RARB: variants seen among roughly 807,000 people sequenced by gnomAD.
RARB encodes the protein HBV-activated protein.
A neutral mutation model predicts 51.9 loss-of-function variants in RARB; 17 were observed. The ratio of observed to expected loss-of-function variants is 0.33; its 90% confidence interval spans 0.22 to 0.49. The LOEUF (loss-of-function observed/expected upper bound fraction) is 0.49. RARB is among the 20% of genes least tolerant of loss of function. The probability of loss-of-function intolerance (pLI) is 0.99; values close to 1 mark genes in which losing one functional copy is unlikely to be tolerated. For missense variants in RARB, 369 were observed against 550.8 expected (o/e 0.67, Z 3.30); for synonymous variants, 215 against 195.4 (o/e 1.10, Z -0.84).
At chr3:25,202,198 C>G (rs1475007802) in intron 5 of RARB, among the ~76,000 whole-genome samples, 1 of 152,118 alleles carries the variant, frequency 6.6e-6, no homozygotes, top group Non-Finnish European at 1.5e-5. Context: ...TCCATTTCTT[C>G]TAGATTTTCT....
chr3:25,505,850 T>C (rs1018358907), intron 3 of RARB, among the ~76,000 whole-genome samples: 9 of 151,938 alleles, frequency 5.9e-5, no homozygotes, highest in African/African-American at 2.2e-4. Context: ...ATAAAAACAA[T>C]TAATGAAAAA....
intron 2 of RARB, among the ~76,000 whole-genome samples, chr3:25,053,247 C>T (rs1043458478): frequency 2.0e-5 from 3 of 152,132 alleles, no homozygotes; most frequent in African/African-American, 7.2e-5. Flanking sequence ...TCCCTTCATA[C>T]AATCACATTA....
At chr3:25,436,717 A>C (rs924379911) in intron 1 of RARB, among the ~76,000 whole-genome samples, 1 of 152,198 alleles carries the variant, frequency 6.6e-6, no homozygotes, top group African/African-American at 2.4e-5. Context: ...TCCAGAGCTT[A>C]TCCTATCACC....
intron 3 of RARB, among the ~76,000 whole-genome samples, chr3:25,083,402 C>A (rs1175063340): frequency 6.6e-6 from 1 of 151,612 alleles, no homozygotes; most frequent in Non-Finnish European, 1.5e-5. Flanking sequence ...CCTCTCTGAT[C>A]TCTTTTGGCA....
intron 2 of RARB, among the ~76,000 whole-genome samples, chr3:25,007,924 G>T (rs1172211486): frequency 6.6e-6 from 1 of 151,988 alleles, no homozygotes; most frequent in Non-Finnish European, 1.5e-5. Context: ...GCAAATTATG[G>T]AACATGAGCG....
At chr3:25,476,133 A>G (rs541326238) in intron 2 of RARB, among the ~76,000 whole-genome samples, 1 of 152,268 alleles carries the variant, frequency 6.6e-6, no homozygotes, top group African/African-American at 2.4e-5. Context: ...ATTTCCACTC[A>G]CAACTCATTG....
chr3:25,436,619 A>G (rs1210358592), intron 1 of RARB, among the ~76,000 whole-genome samples: 1 of 152,246 alleles, frequency 6.6e-6, no homozygotes, highest in African/African-American at 2.4e-5. Context: ...GGGGATGCAG[A>G]TGAACAAGGC....
chr3:25,281,952 C>A (rs1397780223), intron 5 of RARB, among the ~76,000 whole-genome samples: 2 of 152,116 alleles, frequency 1.3e-5, no homozygotes, highest in Non-Finnish European at 2.9e-5. Flanking sequence ...CTCTGCAAGG[C>A]CCTGGGCTAG....
chr3:25,178,466 G>A lies in RARB; in HGVS notation c.178+3891G>A, dbSNP rs1236780673. ...CCATTTTACAGATAAAGACCAGGAG[G>A]CTTAGAGAGAGTAAAGAGCTTACAT... On this transcript the variant is annotated intron_variant, in intron 5 of 11. Coordinates refer to the RARB transcript ENST00000383772. 2.0e-5 allele frequency among the ~76,000 whole-genome samples: 3 copies of A among 152,060 alleles called. No individual in the cohort carries two copies. In the East Asian group the frequency reaches 5.8e-4, roughly 30 times the overall value.
intron 5 of RARB, among the ~76,000 whole-genome samples, chr3:25,192,920 A>G (rs1057092803): frequency 3.9e-5 from 6 of 152,076 alleles, no homozygotes; most frequent in African/African-American, 1.4e-4. Flanking sequence ...CTTAGAATGT[A>G]CATCTGTAAA....
intron 4 of RARB, among the ~76,000 whole-genome samples, chr3:25,171,935 C>A (rs539136000): frequency 9.2e-5 from 14 of 152,218 alleles, no homozygotes; most frequent in Non-Finnish European, 1.8e-4. Context: ...CCAAAATCAT[C>A]TCTGAGATGA....
intron 5 of RARB, among the ~76,000 whole-genome samples, chr3:25,194,307 T>C (rs1701177654): frequency 1.3e-5 from 2 of 151,766 alleles, no homozygotes; most frequent in African/African-American, 4.8e-5. Context: ...CCTAGAGAAC[T>C]AATGTACTGC....
intron 3 of RARB, among the ~76,000 whole-genome samples, chr3:25,529,037 C>T (rs1698782434): frequency 6.6e-6 from 1 of 151,672 alleles, no homozygotes; most frequent in Admixed American, 6.6e-5. Flanking sequence ...TTCAATTGTT[C>T]AATTTTGAGC....
intron 5 of RARB, among the ~76,000 whole-genome samples, chr3:25,240,558 T>G (rs762796237): frequency 6.6e-6 from 1 of 152,208 alleles, no homozygotes; most frequent in Non-Finnish European, 1.5e-5. Flanking sequence ...TTGAATCTTA[T>G]CAAATGCTTT....
chr3:25,513,090 T>C (rs1697976980), intron 3 of RARB, among the ~76,000 whole-genome samples: 1 of 131,442 alleles, frequency 7.6e-6, no homozygotes, highest in Non-Finnish European at 1.5e-5. Context: ...CCATCCCAGC[T>C]AACACGGTAA....
chr3:24,986,024 C>T (rs567891172), intron 2 of RARB, among the ~76,000 whole-genome samples: 1 of 152,180 alleles, frequency 6.6e-6, no homozygotes, highest in Non-Finnish European at 1.5e-5. Flanking sequence ...CTTTTCTCCC[C>T]AGCGTTGGAA....
intron 5 of RARB, among the ~76,000 whole-genome samples, chr3:25,382,749 T>A (rs1706667000): frequency 6.6e-6 from 1 of 152,068 alleles, no homozygotes; most frequent in East Asian, 1.9e-4. Context: ...TCCCAGCTAC[T>A]CGGGAGGCTG....
At chr3:24,910,131 C>G (rs1294069030) in intron 2 of RARB, among the ~76,000 whole-genome samples, 1 of 152,142 alleles carries the variant, frequency 6.6e-6, no homozygotes, top group Admixed American at 6.6e-5. Context: ...CTCAGGCAGT[C>G]TGACTCTTCC....
chr3:24,961,606 C>G (rs980077285), intron 2 of RARB, among the ~76,000 whole-genome samples: 6 of 143,860 alleles, frequency 4.2e-5, no homozygotes, highest in Non-Finnish European at 9.1e-5. Flanking sequence ...TTCAGCGAAC[C>G]TTGCCACACT....
Sources: allele counts gnomAD v4.1 joint callset (sites outside exome capture counted in the v4.1 genomes callset), GRCh38; gene constraint gnomAD v4.1.1; transcripts MANE v1.5; gene names NCBI Gene and HGNC (gene_info 2026-07-23, HGNC 2026-07-21).